DNA2: variants seen among roughly 807,000 people sequenced by gnomAD.
The protein encoded by DNA2 is DNA replication ATP-dependent helicase/nuclease DNA2.
A neutral mutation model predicts 119.1 loss-of-function variants in DNA2; 101 were observed. The ratio of observed to expected loss-of-function variants is 0.85; its 90% confidence interval spans 0.72 to 1.00. The LOEUF is 1.00. Among genes scored for constraint, DNA2 ranks in the 50% least tolerant of loss-of-function variants. The pLI is 0.00. For synonymous variants in DNA2, 366 were observed against 424.4 expected, an observed-to-expected ratio of 0.86 and a Z score of 1.69; for missense variants, 1,121 against 1,255.5, an observed-to-expected ratio of 0.89 and a Z score of 1.62.
chr10:68,471,980 A>C, upstream of DNA2: 1 of 1,611,580 alleles, frequency 6.2e-7, no homozygotes, highest in Non-Finnish European at 8.5e-7. Flanking sequence ...GCATGCGCCA[A>C]CCCGCAGATG....
At chr10:68,452,107 G>A (rs1564891855) in intron 5 of DNA2, among the ~76,000 whole-genome samples, 1 of 152,074 alleles carries the variant, frequency 6.6e-6, no homozygotes, top group Non-Finnish European at 1.5e-5. Flanking sequence ...TAGTGAGACA[G>A]GGTCTCTCTC....
At chr10:68,419,330 C>A in intron 18 of DNA2, 117 bp from the exon 19 acceptor site, 1 of 786,322 alleles carries the variant, frequency 1.3e-6, no homozygotes, top group Non-Finnish European at 1.9e-6. Flanking sequence ...ACAAACTTTC[C>A]TATCTCAAAG....
At chr10:68,421,594 A>G (rs1430154732) in intron 17 of DNA2, among the ~76,000 whole-genome samples, 1 of 151,792 alleles carries the variant, frequency 6.6e-6, no homozygotes, top group Non-Finnish European at 1.5e-5. Context: ...TCTCTACTAA[A>G]AATACAAAAT....
At chr10:68,424,503 CA>C (rs60968180) in intron 14 of DNA2, 47,782 of 461,356 alleles carry the variant, frequency 0.1, 1,314 homozygotes, top group African/African-American at 0.29. Flanking sequence ...GTCACTGTCT[CA>C]AAAAAAAAAA....
At chr10:68,444,295 C>CA (rs1434623987) in intron 8 of DNA2, among the ~76,000 whole-genome samples, 1 of 151,658 alleles carries the variant, frequency 6.6e-6, no homozygotes, top group Non-Finnish European at 1.5e-5. Flanking sequence ...GAAGCTGAGG[C>CA]AGGAGAATCG....
chr10:68,416,230 G>C (rs2051587581), intron 20 of DNA2, among the ~76,000 whole-genome samples: 1 of 152,118 alleles, frequency 6.6e-6, no homozygotes, highest in Non-Finnish European at 1.5e-5. Flanking sequence ...CACTTTGGGA[G>C]GAGGCGAGTG....
chr10:68,465,846 C>T (rs757257086), intron 3 of DNA2, 34 bp from the exon 4 acceptor site: 1 of 1,453,824 alleles, frequency 6.9e-7, no homozygotes, highest in Non-Finnish European at 9.1e-7. Flanking sequence ...TATTTCACAA[C>T]ATATTAACAG....
intron 3 of DNA2, among the ~76,000 whole-genome samples, chr10:68,466,114 A>G (rs1564898570): frequency 1.3e-5 from 2 of 151,732 alleles, no homozygotes; most frequent in Non-Finnish European, 2.9e-5. Context: ...TTCATCTCCC[A>G]GGTTCAAATG....
chr10:68,471,651 G>A (rs2052382642), intron 1 of DNA2, 140 bp downstream of exon 1: 17 of 1,023,936 alleles, frequency 1.7e-5, no homozygotes, highest in East Asian at 2.8e-5. Context: ...GACTCCGGAG[G>A]CTCGTCGGGT....
intron 9 of DNA2, among the ~76,000 whole-genome samples, chr10:68,438,121 T>C (rs2051916396): frequency 6.6e-6 from 1 of 152,196 alleles, no homozygotes; most frequent in Admixed American, 6.5e-5. Flanking sequence ...TGGTGTTTTA[T>C]TGGCACTTTG....
intron 5 of DNA2, among the ~76,000 whole-genome samples, chr10:68,451,393 A>G (rs560219391): frequency 6.6e-6 from 1 of 152,290 alleles, no homozygotes; most frequent in South Asian, 2.1e-4. Context: ...GGGAACATAT[A>G]AATGTTGAAG....
Position 68,468,230 on chromosome 10 carries a change from T to C in DNA2, c.334A>G (p.Lys112Glu). The C allele has an allele frequency of 1.2e-6, 2 of 1,612,554 alleles. No homozygotes were observed. Among genetic ancestry groups the C allele is most frequent in the Non-Finnish European group, 1.7e-6 (2 of 1,179,378 alleles). ...DCTSDTWIIDKDFGYLILYPD... is the reference protein window; with the variant it reads ...DCTSDTWIIDEDFGYLILYPD... ...TACAGAATCAAATATCCAAAATCTT[T>C]ATCTATTATCCAAGTGTCAGATGTG... Residue 112 changes from lysine to glutamate, a missense_variant, in exon 3 of 21, where the codon AAA becomes GAA. Physicochemically the swap from Lys to Glu is moderately conservative, Grantham distance 56 (BLOSUM62 1). Transcript: ENST00000358410.
chr10:68,450,116 A>AT lies in DNA2; in HGVS notation c.850dup (p.Ile284AsnfsTer6). 6.2e-7 allele frequency: 1 copy of AT among 1,605,514 alleles called. No homozygotes were observed. The highest frequency in any genetic ancestry group is 2.2e-5 in the East Asian group (1 of 44,780). ...GTATTTTGTTTTATACCCTCGATGT[A>AT]TTTTCACACCAACTGTAACATCTAT... On this transcript the variant is annotated frameshift_variant, in exon 6 of 21. Coordinates refer to ENST00000358410, the MANE Select transcript of DNA2 (RefSeq NM_001080449.3). LOFTEE classifies it high-confidence loss of function.
In DNA2 at chr10:68,437,206, C is replaced by G; in HGVS notation, c.1451G>C (p.Arg484Thr). 6.2e-7 allele frequency: 1 copy of G among 1,609,604 alleles called. No homozygotes were observed. ...ACAAACTATCTTTACATGTTCCATT[C>G]TAATCAGGTTTCCAATGCAACTGCC... ...KSGSCIGNLI[R>T]MEHVKIVCDG... Residue 484 changes from arginine to threonine, a missense_variant, in exon 10 of 21, where the codon AGA becomes ACA. Physicochemically the swap from Arg to Thr is moderately conservative, Grantham distance 71. Transcript: ENST00000358410.
intron 5 of DNA2, 124 bp from the exon 6 acceptor site, chr10:68,450,371 A>C: frequency 1.3e-6 from 1 of 743,420 alleles, no homozygotes; most frequent in Middle Eastern, 3.9e-4. Flanking sequence ...CTACCTTTAC[A>C]GCAGTGATTT....
intron 5 of DNA2, among the ~76,000 whole-genome samples, chr10:68,453,676 C>T (rs1457109196): frequency 6.6e-6 from 1 of 152,124 alleles, no homozygotes; most frequent in African/African-American, 2.4e-5. Context: ...TTTAGATAGA[C>T]AAATACTTAC....
At chr10:68,456,700 C>G (rs948675317) in intron 5 of DNA2, among the ~76,000 whole-genome samples, 1 of 151,770 alleles carries the variant, frequency 6.6e-6, no homozygotes, top group African/African-American at 2.4e-5. Context: ...GCATGAGCCA[C>G]CATGCCCGGA....
At chr10:68,418,870 G>A (rs1007561139) in intron 19 of DNA2, among the ~76,000 whole-genome samples, 164 bp downstream of exon 19, 5 of 151,390 alleles carry the variant, frequency 3.3e-5, no homozygotes, top group South Asian at 2.1e-4. Context: ...ACAGGGTTTC[G>A]CCATGCTGTC....
rs75160789 is a variant in DNA2 at position 68,468,364 on chromosome 10, G to A, written c.258-58C>T. Reference sequence around the variant, plus strand: ...ATAGCTTAGGTTCCTACATGTAAACGTATTAGGGAGGCTTCAAAAAAATAA... The same window carrying A: ...ATAGCTTAGGTTCCTACATGTAAACATATTAGGGAGGCTTCAAAAAAATAA... On this transcript the variant is annotated intron_variant, in intron 2 of 20. Coordinates refer to ENST00000358410, the MANE Select transcript of DNA2 (RefSeq NM_001080449.3). 6,268 of 1,125,296 alleles carry A rather than the reference G, an allele frequency of 5.6e-3. 245 individuals are homozygous for A. The African/African-American group carries it at 0.088, about 16-fold the overall frequency. The allele number at this position is 1,125,296 out of a possible 1,614,324, so 69.7% of individuals were successfully genotyped here.
Sources: gnomAD v4.1 joint callset for allele counts (sites outside exome capture counted in the v4.1 genomes callset) on GRCh38, gnomAD v4.1.1 for gene constraint, MANE v1.5 for transcripts, NCBI Gene and HGNC (gene_info 2026-07-23, HGNC 2026-07-21) for gene names.